The following FER1L5 variants were observed in gnomAD, a reference collection of about 807,000 sequenced individuals.
FER1L5 encodes the protein fer-1-like protein 5.
Under a neutral mutation model 279.9 loss-of-function variants are expected in FER1L5, and 187 were observed. The observed-to-expected ratio is 0.67, with a 90% CI of 0.59 to 0.75. The LOEUF is 0.75. Ranked by LOEUF, FER1L5 falls within the 30% of genes least tolerant of loss-of-function variation. The probability of loss-of-function intolerance (pLI) is 0.00; values close to 1 mark genes in which losing one functional copy is unlikely to be tolerated. For missense variants in FER1L5, 2,091 were observed against 2,594.4 expected (o/e 0.81, Z 4.21); for synonymous variants, 921 against 989.7 (o/e 0.93, Z 1.30).
intron 32 of FER1L5, 66 bp from the exon 33 acceptor site, chr2:96,693,845 A>T: frequency 6.7e-7 from 1 of 1,486,142 alleles, no homozygotes; most frequent in East Asian, 2.5e-5. Context: ...CCTTGCCTTG[A>T]GAAGCCCAGA....
chr2:96,687,358 G>A (rs2076970229), intron 23 of FER1L5, among the ~76,000 whole-genome samples: 1 of 152,258 alleles, frequency 6.6e-6, no homozygotes, highest in African/African-American at 2.4e-5. Flanking sequence ...AAGAGCCCCT[G>A]AGACATGAAT....
rs141039594 is a variant in FER1L5 at position 96,695,418 on chromosome 2, G to A, written c.3742-91G>A. 6.2e-5 allele frequency: 91 copies of A among 1,459,616 alleles called. No homozygotes were observed. The African/African-American group carries it at 1.1e-3, about 18-fold the overall frequency. The allele number at this position is 1,459,616 out of a possible 1,614,324, so 90.4% of individuals were successfully genotyped here. A position where few individuals can be genotyped will look rare whatever the true frequency, so the allele number is the denominator to read the frequency against. ...TGGCCCTGCAGGCTCCTGCTGCACC[G>A]CTATTGCCCCTCAGCCCCCTTCTCT... On this transcript the variant is annotated intron_variant, in intron 34 of 52. Coordinates refer to ENST00000624922, the MANE Select transcript of FER1L5 (RefSeq NM_001293083.2).
At position 96,642,934 on chromosome 2, in the gene FER1L5, C is replaced by T. The variant is rs1218360673; in HGVS notation, c.85+13C>T. 1 of 1,548,962 alleles carries T rather than the reference C, an allele frequency of 6.5e-7. No homozygotes were observed. Among genetic ancestry groups the T allele is most frequent in the Non-Finnish European group, 8.7e-7 (1 of 1,145,568 alleles). On this transcript the variant is annotated intron_variant, in intron 1 of 52. Coordinates refer to ENST00000624922, the MANE Select transcript of FER1L5 (RefSeq NM_001293083.2). ...ATCGACTTCAGAGGTGAGAGCCTCC[C>T]TGGGTCCACATGGGAGAGAGAAGCC...
rs943532730 is a variant in FER1L5, at chr2:96,693,621, G to A, written c.3408G>A (p.Glu1136=). The change falls in exon 32 of 53, where the codon GAG becomes GAA. Residue 1136 remains glutamate (E), a synonymous_variant. Coordinates refer to ENST00000624922, the MANE Select transcript of FER1L5 (RefSeq NM_001293083.2). ...TCTTCCAGCACCTCCTTCTGTACGA[G>A]AACCCACAGGACACCAAAGAGAGCC... ...TLIFQHLLLY[E]NPQDTKESPP... is the part of the protein sequence containing the mutation. The A allele has an allele frequency of 1.3e-5, 20 of 1,551,606 alleles. No homozygotes were observed. The Middle Eastern group carries it at 5.0e-4, about 39-fold the overall frequency.
chr2:96,654,537 T>C (rs781313664), intron 9 of FER1L5, 41 bp downstream of exon 9: 2 of 398,706 alleles, frequency 5.0e-6, no homozygotes, highest in Non-Finnish European at 8.9e-6. Flanking sequence ...GAAACAGTTA[T>C]TAAAACAGAG....
In FER1L5 at chr2:96,698,206, G is replaced by T. The variant is rs1488333627; in HGVS notation, c.4356+50G>T. 3.9e-6 allele frequency: 6 copies of T among 1,525,554 alleles called. No individual in the cohort carries two copies. Among genetic ancestry groups the T allele is most frequent in the Non-Finnish European group, 4.4e-6 (5 of 1,132,514 alleles). 94.5% of individuals were successfully genotyped at this position (1,525,554 alleles called of 1,614,324 possible). On this transcript the variant is annotated intron_variant, in intron 40 of 52. Transcript: ENST00000624922. The surrounding 1 kb of genome is among the most constrained non-coding windows in gnomAD (Gnocchi z 5.5). ...GCCCCTGTCTCCTTGTGCACCTTCT[G>T]TCCCTGGAAAACGAATAAAAGCCCT...
Position 96,704,596 on chromosome 2 carries a change from C to T in FER1L5, c.6078C>T (p.Asn2026=), listed in dbSNP as rs372365238. ...SSSILPTQDP[N]LKPTIDHEWK... Reference sequence around the variant, plus strand: ...CCATCCTTCCCACCCAGGATCCAAACCTAAAGCCTACAATAGACCATGAGT... The same window carrying T: ...CCATCCTTCCCACCCAGGATCCAAATCTAAAGCCTACAATAGACCATGAGT... The change falls in exon 53 of 53, where the codon AAC becomes AAT. Residue 2026 remains asparagine (N), a synonymous_variant. Coordinates refer to ENST00000624922, the MANE Select transcript of FER1L5 (RefSeq NM_001293083.2). 434 of 1,613,844 alleles carry T rather than the reference C, an allele frequency of 2.7e-4. No homozygotes were observed. The highest frequency in any genetic ancestry group is 3.5e-4 in the Non-Finnish European group (409 of 1,179,888).
intron 14 of FER1L5, among the ~76,000 whole-genome samples, chr2:96,665,194 T>C (rs1486687842): frequency 6.6e-6 from 1 of 152,230 alleles, no homozygotes; most frequent in Non-Finnish European, 1.5e-5. Flanking sequence ...TTGAGCTCTC[T>C]CATAAGTGCA....
At chr2:96,687,629 G>C (rs2076979480) in intron 23 of FER1L5, 187 bp from the exon 24 acceptor site, 1 of 868,788 alleles carries the variant, frequency 1.2e-6, no homozygotes, top group African/African-American at 1.7e-5. Context: ...CCAGGGTGGA[G>C]CCACCCCACT....
intron 8 of FER1L5, chr2:96,654,225 C>G (rs1375740465): frequency 8.1e-6 from 3 of 371,288 alleles, no homozygotes; most frequent in African/African-American, 4.1e-5. Context: ...AAATTGACCT[C>G]TCTGATCAAT....
At chr2:96,672,043 TG>T (rs1478993436) in intron 18 of FER1L5, among the ~76,000 whole-genome samples, 2 of 152,092 alleles carry the variant, frequency 1.3e-5, no homozygotes, top group Admixed American at 1.3e-4. Flanking sequence ...GAGACCAGCC[TG>T]GGTAACATAG....
intron 23 of FER1L5, 110 bp from the exon 24 acceptor site, chr2:96,687,706 C>G: frequency 1.4e-6 from 2 of 1,477,448 alleles, no homozygotes; most frequent in South Asian, 1.3e-5. Context: ...GTGAGGGCCC[C>G]GCTCCCAGGG....
Position 96,685,613 on chromosome 2 carries a change from C to T in FER1L5, c.1895+184C>T, listed in dbSNP as rs183125902. ...CCTTCCCATTCAGGCCCCCTGACCG[C>T]CCCATCAGAATGGTCCCTGCTACCC... On this transcript the variant is annotated intron_variant, in intron 21 of 52. Transcript: ENST00000624922. Among the ~76,000 whole-genome samples the T allele has an allele frequency of 2.2e-3, 339 of 152,302 alleles. 1 individual carries two copies. Among genetic ancestry groups the T allele is most frequent in the African/African-American group, 8.0e-3 (334 of 41,554 alleles).
chr2:96,648,307 AC>A (rs2075222172), intron 4 of FER1L5, among the ~76,000 whole-genome samples: 1 of 152,220 alleles, frequency 6.6e-6, no homozygotes, highest in Admixed American at 6.5e-5. Context: ...ATGTAGGGAG[AC>A]CATCCAAATG....
chr2:96,655,450 T>C (rs1258793311), intron 9 of FER1L5, among the ~76,000 whole-genome samples: 2 of 152,180 alleles, frequency 1.3e-5, no homozygotes, highest in Non-Finnish European at 2.9e-5. Context: ...AGGGGACGTA[T>C]GTGTATTAAG....
Position 96,702,483 on chromosome 2 carries a change from G to A in FER1L5, c.5255+82G>A. 1 of 1,553,424 alleles carries A rather than the reference G, an allele frequency of 6.4e-7. No individual in the cohort carries two copies. Among genetic ancestry groups the A allele is most frequent in the Non-Finnish European group, 8.7e-7 (1 of 1,148,498 alleles). On this transcript the variant is annotated intron_variant, in intron 47 of 52. Transcript: ENST00000624922. The surrounding 1 kb of genome is among the most constrained non-coding windows in gnomAD (Gnocchi z 4.0). ...CTGCTGGCACGGCCCAGTCCTGAAT[G>A]GGACACCTCTCCATCCAGCTCTGCC... is the stretch of plus-strand genomic sequence containing the variant.
At position 96,670,192 on chromosome 2, in the gene FER1L5, A is replaced by T; in HGVS notation, c.1436A>T (p.Lys479Met). The T allele has an allele frequency of 6.4e-6, 10 of 1,551,590 alleles. No homozygotes were observed. Among genetic ancestry groups the T allele is most frequent in the Non-Finnish European group, 8.7e-6 (10 of 1,146,956 alleles). Residue 479 changes from lysine (K) to methionine (M), a missense_variant, in exon 18 of 53, where the codon AAG becomes ATG. Lys to Met is a moderately conservative substitution (Grantham distance 95). Transcript: ENST00000624922. ...TTCCTGGAGTTAATCACCCAAATCA[A>T]GTCCTATCAAGACTCCACGATAAAG... ...RVFLELITQI[K>M]SYQDSTIKDL...
At chr2:96,693,439 C>T in intron 31 of FER1L5, 67 bp from the exon 32 acceptor site, 1 of 1,449,066 alleles carries the variant, frequency 6.9e-7, no homozygotes, top group Non-Finnish European at 9.2e-7. Flanking sequence ...GTGGCTGCAG[C>T]AGCAGAGGAG....
At chr2:96,648,766 T>G (rs1289046220) in intron 4 of FER1L5, among the ~76,000 whole-genome samples, 2 of 152,246 alleles carry the variant, frequency 1.3e-5, no homozygotes, top group Admixed American at 1.3e-4. Flanking sequence ...GATCTGAGTC[T>G]TATTTTCTAT....
Sources: allele counts gnomAD v4.1 joint callset (sites outside exome capture counted in the v4.1 genomes callset), GRCh38; gene constraint gnomAD v4.1.1; non-coding constraint Gnocchi (gnomAD v3.1); transcripts MANE v1.5; gene names NCBI Gene and HGNC (gene_info 2026-07-23, HGNC 2026-07-21).